MAU2: variants seen among roughly 807,000 people sequenced by gnomAD.
The protein encoded by MAU2 is MAU2 sister chromatid cohesion factor.
A neutral mutation model predicts 89.1 loss-of-function variants in MAU2; 9 were observed. That is an observed-to-expected ratio of 0.10 (90% CI 0.06 to 0.18). The LOEUF is 0.18. Among genes scored for constraint, MAU2 ranks in the 10% least tolerant of loss-of-function variants. The pLI is 1.00. For missense variants in MAU2, 425 were observed against 803.5 expected, an observed-to-expected ratio of 0.53 and a Z score of 5.69; for synonymous variants, 357 against 343.4, an observed-to-expected ratio of 1.04 and a Z score of -0.44.
intron 5 of MAU2, 90 bp from the exon 6 acceptor site, chr19:19,340,756 T>G: frequency 3.6e-6 from 5 of 1,374,792 alleles, no homozygotes; most frequent in South Asian, 1.3e-5. Context: ...TGAGGTGGCA[T>G]ATTAGGTCCT....
rs372092931 is a variant in MAU2 at position 19,347,273 on chromosome 19, A to G, written c.1222-7A>G. On this transcript the variant is annotated splice_polypyrimidine_tract_variant and splice_region_variant and intron_variant, in intron 12 of 18. Coordinates refer to ENST00000262815, the MANE Select transcript of MAU2 (RefSeq NM_015329.4). ...CAGCCCCCTAATGTCCCCGCCTCCC[A>G]TTCCAGCTCACCAACCACCAGGAGC... is the stretch of plus-strand genomic sequence containing the variant. The G allele has an allele frequency of 1.9e-6, 3 of 1,611,660 alleles. No individual in the cohort carries two copies. Among genetic ancestry groups the G allele is most frequent in the African/African-American group, 2.7e-5 (2 of 74,808 alleles).
At chr19:19,342,487 CCTGAGAG>C in intron 7 of MAU2, 41 bp from the exon 8 acceptor site, 14 of 1,509,792 alleles carry the variant, frequency 9.3e-6, no homozygotes, top group African/African-American at 2.8e-5. Flanking sequence ...GGCCTGGCTT[CCTGAGAG>C]GCCAGGCTCA....
At chr19:19,322,187 A>G (rs990051607) in intron 1 of MAU2, among the ~76,000 whole-genome samples, 1 of 151,976 alleles carries the variant, frequency 6.6e-6, no homozygotes, top group African/African-American at 2.4e-5. Context: ...TTTAGTAGAG[A>G]TGGGGTTTCA....
intron 13 of MAU2, 169 bp from the exon 14 acceptor site, chr19:19,348,720 C>T (rs1016273651): frequency 9.5e-6 from 7 of 737,426 alleles, no homozygotes; most frequent in Non-Finnish European, 1.7e-5. Context: ...GAAATCTTGC[C>T]CCCGGCCCTT....
chr19:19,338,424 C>T (rs921754111), intron 4 of MAU2, among the ~76,000 whole-genome samples: 1 of 152,244 alleles, frequency 6.6e-6, no homozygotes, highest in African/African-American at 2.4e-5. Context: ...TCCCTTTCAG[C>T]CTGTTCAGAC....
intron 18 of MAU2, 92 bp from the exon 19 acceptor site, chr19:19,355,616 G>C (rs566759629): frequency 1.2e-5 from 16 of 1,288,064 alleles, no homozygotes; most frequent in Admixed American, 1.9e-5. Context: ...AGTCCCGGCT[G>C]TGTGAGCAGC....
chr19:19,346,667 A>C (rs1276377144), intron 12 of MAU2, among the ~76,000 whole-genome samples: 2 of 152,286 alleles, frequency 1.3e-5, no homozygotes, highest in East Asian at 3.9e-4. Flanking sequence ...CCCCACTGGG[A>C]ACCAGGGTCT....
At chr19:19,347,173 C>A in intron 12 of MAU2, 107 bp from the exon 13 acceptor site, 1 of 726,016 alleles carries the variant, frequency 1.4e-6, no homozygotes, top group East Asian at 2.5e-5. Context: ...ATGAAAAGAA[C>A]AAGTCTTTTC....
intron 1 of MAU2, among the ~76,000 whole-genome samples, chr19:19,322,323 G>A (rs975847090): frequency 2.0e-5 from 3 of 152,152 alleles, no homozygotes; most frequent in African/African-American, 7.2e-5. Context: ...CTAGGGCCAG[G>A]CTCAGTGGCT....
At chr19:19,325,236 C>G (rs1266797799) in intron 1 of MAU2, among the ~76,000 whole-genome samples, 1 of 152,028 alleles carries the variant, frequency 6.6e-6, no homozygotes, top group Non-Finnish European at 1.5e-5. Context: ...AGTGCAATGG[C>G]GCAATCTTGG....
rs768690135 is a variant in MAU2, at chr19:19,349,160, A to G, written c.1364A>G (p.His455Arg). 2 of 1,614,046 alleles carry G rather than the reference A, an allele frequency of 1.2e-6. No individual in the cohort carries two copies. Among genetic ancestry groups the G allele is most frequent in the South Asian group, 1.1e-5 (1 of 91,086 alleles). ...NPDHSFPVSS[H>R]CLRAAAFYVR... is the part of the protein sequence containing the mutation. Reference sequence around the variant, plus strand: ...ATACTGCACTCTCCCTGCAGCTCGCACTGCCTCCGAGCAGCCGCCTTCTAT... The same window carrying G: ...ATACTGCACTCTCCCTGCAGCTCGCGCTGCCTCCGAGCAGCCGCCTTCTAT... The change falls in exon 15 of 19, where the codon CAC becomes CGC. Residue 455 changes from histidine (H) to arginine (R), a missense_variant. Physicochemically the swap from His to Arg is conservative, Grantham distance 29 (BLOSUM62 0). Around this residue, in one of 11 missense-constraint regions of MAU2, gnomAD observed 66 missense variants for 129.1 expected, o/e 0.51. Transcript: ENST00000262815.
At chr19:19,325,999 A>AT (rs34191015) in intron 1 of MAU2, among the ~76,000 whole-genome samples, 3,756 of 117,152 alleles carry the variant, frequency 0.032, 201 homozygotes, top group South Asian at 0.097. Context: ...CCTCAACTGC[A>AT]TTTTTTTTTT....
intron 1 of MAU2, among the ~76,000 whole-genome samples, chr19:19,324,175 G>A (rs2061486282): frequency 6.6e-6 from 1 of 152,234 alleles, no homozygotes; most frequent in Non-Finnish European, 1.5e-5. Flanking sequence ...CCAGGGAGAA[G>A]AGATGGAGTT....
intron 13 of MAU2, chr19:19,348,574 C>A: frequency 1.9e-6 from 1 of 528,364 alleles, no homozygotes; most frequent in Non-Finnish European, 3.4e-6. Context: ...GGCTCACGGG[C>A]CCCAGCCTGC....
In MAU2 at chr19:19,342,516, G is replaced by A. The variant is rs375903565; in HGVS notation, c.736-19G>A. On this transcript the variant is annotated intron_variant, in intron 7 of 18. Coordinates refer to ENST00000262815, the MANE Select transcript of MAU2 (RefSeq NM_015329.4). ...AGAGGCCAGGCTCAGGTGGATGCTC[G>A]GGTGTGGGTGCTGCACAGGTGAAGA... The A allele has an allele frequency of 3.3e-5, 51 of 1,538,814 alleles. No individual in the cohort carries two copies. The African/African-American group carries it at 3.4e-4, about 10-fold the overall frequency.
intron 16 of MAU2, chr19:19,353,287 T>C (rs1344884168): frequency 6.6e-6 from 1 of 152,168 alleles, no homozygotes; most frequent in Non-Finnish European, 1.5e-5. Context: ...CCAGGCTGCT[T>C]TCAGACAGAG....
At chr19:19,348,208 A>C (rs2061711394) in intron 13 of MAU2, 1 of 153,844 alleles carries the variant, frequency 6.5e-6, no homozygotes, top group Admixed American at 6.5e-5. Flanking sequence ...TCTACAAAAA[A>C]ATTTTTTAAA....
Position 19,357,542 on chromosome 19 carries a change from T to G in MAU2, c.*1760T>G, listed in dbSNP as rs542618748. On this transcript the variant is annotated 3_prime_UTR_variant, in exon 19 of 19. Coordinates refer to ENST00000262815, the MANE Select transcript of MAU2 (RefSeq NM_015329.4). ...CTGTCCGACCCCTGCACACCACTCA[T>G]GTCACCACGGCGTGCATCATGTTCA... 1 of 153,148 alleles carries G rather than the reference T, an allele frequency of 6.5e-6. No individual in the cohort carries two copies. Among genetic ancestry groups the G allele is most frequent in the East Asian group, 1.9e-4 (1 of 5,160 alleles). The allele number at this position is 153,148 out of a possible 1,614,324, so 9.5% of individuals were successfully genotyped here. A position where few individuals can be genotyped will look rare whatever the true frequency, so the allele number is the denominator to read the frequency against.
At chr19:19,331,136 C>A (rs1026572352) in intron 1 of MAU2, among the ~76,000 whole-genome samples, 3 of 151,672 alleles carry the variant, frequency 2.0e-5, no homozygotes, top group Non-Finnish European at 4.4e-5. Flanking sequence ...TCCCTGCAGC[C>A]TCTCACTTTG....
Sources: allele counts gnomAD v4.1 joint callset (sites outside exome capture counted in the v4.1 genomes callset), GRCh38; gene constraint gnomAD v4.1.1; regional missense constraint gnomAD v4.1.1; transcripts MANE v1.5; gene names NCBI Gene and HGNC (gene_info 2026-07-23, HGNC 2026-07-21).